The following ADGRL2 variants were observed in gnomAD, a reference collection of about 807,000 sequenced individuals.
The protein encoded by ADGRL2 is calcium-independent alpha-latrotoxin receptor 2.
Under a neutral mutation model 157.4 loss-of-function variants are expected in ADGRL2, and 44 were observed. The observed-to-expected ratio is 0.28, with a 90% CI of 0.22 to 0.36. The LOEUF is 0.36. Among genes scored for constraint, ADGRL2 ranks in the 10% least tolerant of loss-of-function variants. ADGRL2 has a pLI of 1.00. For missense variants in ADGRL2, 1,510 were observed against 1,768.9 expected (o/e 0.85, Z 2.63); for synonymous variants, 585 against 624.7 (o/e 0.94, Z 0.95).
intron 2 of ADGRL2, among the ~76,000 whole-genome samples, chr1:81,494,618 C>G (rs1488509059): frequency 6.6e-6 from 1 of 152,002 alleles, no homozygotes; most frequent in Non-Finnish European, 1.5e-5. Context: ...GGCCTGATAC[C>G]CAGAAGTCTT....
intron 1 of ADGRL2, among the ~76,000 whole-genome samples, chr1:81,386,395 T>G (rs2076436274): frequency 6.6e-6 from 1 of 152,150 alleles, no homozygotes; most frequent in Non-Finnish European, 1.5e-5. Context: ...TCTCTTGCAG[T>G]GTTTTTTGTA....
At chr1:81,780,526 G>T (rs1432763551) in intron 2 of ADGRL2, among the ~76,000 whole-genome samples, 1 of 152,176 alleles carries the variant, frequency 6.6e-6, no homozygotes, top group African/African-American at 2.4e-5. Flanking sequence ...GTCACAGCTA[G>T]TTGGCAATAG....
intron 2 of ADGRL2, 124 bp downstream of exon 2, chr1:81,837,181 T>G (rs1176832909): frequency 4.0e-6 from 2 of 503,338 alleles, no homozygotes; most frequent in Non-Finnish European, 6.9e-6. Context: ...AATTATTTCC[T>G]GAATATTGAA....
intron 3 of ADGRL2, among the ~76,000 whole-genome samples, chr1:81,599,856 T>G (rs777383478): frequency 1.9e-4 from 29 of 152,180 alleles, no homozygotes; most frequent in Non-Finnish European, 2.6e-4. Flanking sequence ...TAACACATTT[T>G]AAAAGTTCCA....
intron 1 of ADGRL2, among the ~76,000 whole-genome samples, chr1:81,405,251 T>C (rs2076832563): frequency 1.3e-5 from 2 of 152,136 alleles, no homozygotes; most frequent in African/African-American, 4.8e-5. Flanking sequence ...TTATTCAACA[T>C]CACACACAAA....
At chr1:81,600,437 A>G (rs1024900711) in intron 3 of ADGRL2, among the ~76,000 whole-genome samples, 1 of 152,208 alleles carries the variant, frequency 6.6e-6, no homozygotes, top group Non-Finnish European at 1.5e-5. Context: ...AGACAGGCCT[A>G]GAGTAGACCC....
At chr1:81,389,760 G>T (rs1428161132) in intron 1 of ADGRL2, among the ~76,000 whole-genome samples, 1 of 152,098 alleles carries the variant, frequency 6.6e-6, no homozygotes, top group African/African-American at 2.4e-5. Context: ...TTAGGCATTG[G>T]GTGGGAGTGG....
At chr1:81,747,081 T>C (rs573826278) in intron 1 of ADGRL2, among the ~76,000 whole-genome samples, 8 of 146,466 alleles carry the variant, frequency 5.5e-5, no homozygotes, top group African/African-American at 2.0e-4. Flanking sequence ...TATGTATATA[T>C]GTGTATATAC....
chr1:81,674,355 G>GT (rs2082939382), intron 3 of ADGRL2, among the ~76,000 whole-genome samples: 1 of 152,158 alleles, frequency 6.6e-6, no homozygotes, highest in Non-Finnish European at 1.5e-5. Flanking sequence ...TCTAATGCAC[G>GT]TAGAACACTT....
chr1:81,721,898 A>T (rs1454316350), intron 1 of ADGRL2: 2 of 719,726 alleles, frequency 2.8e-6, no homozygotes, highest in Non-Finnish European at 5.1e-6. Context: ...AGGAAAACTT[A>T]AAGGCAGACA....
At chr1:81,697,668 C>G (rs2083473412), upstream of ADGRL2, among the ~76,000 whole-genome samples, 1 of 151,892 alleles carries the variant, frequency 6.6e-6, no homozygotes, top group Non-Finnish European at 1.5e-5. Context: ...TCCAAATATC[C>G]CAAATAATTA....
At chr1:81,314,218 T>C (rs1388087847) in intron 1 of ADGRL2, among the ~76,000 whole-genome samples, 1 of 152,236 alleles carries the variant, frequency 6.6e-6, no homozygotes, top group African/African-American at 2.4e-5. Flanking sequence ...ATCTTCATCA[T>C]ATATAAACCC....
chr1:81,917,912 CT>C, intron 3 of ADGRL2, among the ~76,000 whole-genome samples: 1 of 152,282 alleles, frequency 6.6e-6, no homozygotes, highest in Admixed American at 6.5e-5. Context: ...TGGGTCTCTT[CT>C]AAGGCATTTG....
chr1:81,718,043 G>T (rs1364568626), intron 1 of ADGRL2, among the ~76,000 whole-genome samples: 1 of 152,140 alleles, frequency 6.6e-6, no homozygotes, highest in African/African-American at 2.4e-5. Flanking sequence ...TATAAGGTAT[G>T]TGTGTCTCAC....
chr1:81,971,979 A>C, intron 17 of ADGRL2, 61 bp downstream of exon 17: 2 of 1,070,472 alleles, frequency 1.9e-6, no homozygotes, highest in Non-Finnish European at 2.8e-6. Context: ...CTATTCAAAC[A>C]AGGATAATTT....
chr1:81,909,172 G>A (rs1224504471), intron 3 of ADGRL2, among the ~76,000 whole-genome samples: 1 of 151,938 alleles, frequency 6.6e-6, no homozygotes, highest in Non-Finnish European at 1.5e-5. Context: ...TGCCATGCAT[G>A]GCCTTGTATA....
intron 1 of ADGRL2, among the ~76,000 whole-genome samples, chr1:81,367,771 C>G (rs760913801): frequency 3.9e-4 from 59 of 152,232 alleles, no homozygotes; most frequent in Non-Finnish European, 7.2e-4. Context: ...AGGCTAGACT[C>G]GAACTCCTGA....
chr1:81,700,096 C>G (rs1229206464), intron 1 of ADGRL2, among the ~76,000 whole-genome samples: 1 of 152,206 alleles, frequency 6.6e-6, no homozygotes, highest in Admixed American at 6.5e-5. Flanking sequence ...AATGTCAAAG[C>G]AGCTCATCTC....
At chr1:81,513,176 C>T (rs572101500) in intron 2 of ADGRL2, among the ~76,000 whole-genome samples, 19 of 152,162 alleles carry the variant, frequency 1.2e-4, no homozygotes, top group African/African-American at 4.6e-4. Context: ...AGAGATTTTT[C>T]ATTTTCTAAT....
Sources: allele counts gnomAD v4.1 joint callset (sites outside exome capture counted in the v4.1 genomes callset), GRCh38; gene constraint gnomAD v4.1.1; transcripts MANE v1.5; gene names NCBI Gene and HGNC (gene_info 2026-07-23, HGNC 2026-07-21).